The following MYO16 variants were observed in gnomAD, a reference collection of about 807,000 sequenced individuals.
MYO16 encodes the protein myosin XVI.
Under a neutral mutation model 205.3 loss-of-function variants are expected in MYO16, and 94 were observed. The ratio of observed to expected loss-of-function variants is 0.46; its 90% confidence interval spans 0.39 to 0.54. The LOEUF (loss-of-function observed/expected upper bound fraction) is 0.54, where lower values mean the gene tolerates loss of function less well. MYO16 is among the 20% of genes least tolerant of loss of function. The probability of loss-of-function intolerance (pLI) is 0.00; values close to 1 mark genes in which losing one functional copy is unlikely to be tolerated. For missense variants in MYO16, 2,315 were observed against 2,387.5 expected, an observed-to-expected ratio of 0.97 and a Z score of 0.63; for synonymous variants, 988 against 954.0, an observed-to-expected ratio of 1.04 and a Z score of -0.66.
At chr13:108,624,356 G>A (rs1451883666) in intron 1 of MYO16, among the ~76,000 whole-genome samples, 5 of 152,204 alleles carry the variant, frequency 3.3e-5, no homozygotes. Context: ...ACTGGTTGCA[G>A]TATACTATTT....
At chr13:108,659,432 C>G (rs4268614) in intron 1 of MYO16, 3 of 387,228 alleles carry the variant, frequency 7.7e-6, no homozygotes, top group Non-Finnish European at 1.5e-5. Flanking sequence ...GGTACGCACT[C>G]GCTGAGCAGG....
Position 109,162,710 on chromosome 13 carries a change from C to T in MYO16, c.5165-2191C>T, listed in dbSNP as rs1878445046. 6.6e-6 allele frequency among the ~76,000 whole-genome samples: 1 copy of T among 152,104 alleles called. No homozygotes were observed. ...TCTCCCGCACTCAGTGAGTATCTGG[C>T]ACATAGTAGGCACCCAATAAATAAC... is the stretch of plus-strand genomic sequence containing the variant. On this transcript the variant is annotated intron_variant, in intron 32 of 34. Transcript: ENST00000457511. This position sits in a 1 kb window ranked among gnomAD's most constrained non-coding sequence, Gnocchi z 4.6.
upstream of MYO16, among the ~76,000 whole-genome samples, chr13:108,628,664 C>A (rs958765326): frequency 2.6e-5 from 4 of 152,044 alleles, no homozygotes; most frequent in Non-Finnish European, 5.9e-5. Context: ...AGTCATGACC[C>A]CTTGTTGTAT....
intron 23 of MYO16, among the ~76,000 whole-genome samples, chr13:109,046,450 T>G (rs1045879993): frequency 6.6e-6 from 1 of 152,208 alleles, no homozygotes; most frequent in Non-Finnish European, 1.5e-5. Context: ...AATTAATTGT[T>G]TCCTATGTGT....
At chr13:108,864,940 G>T (rs954432727) in intron 11 of MYO16, among the ~76,000 whole-genome samples, 3 of 152,014 alleles carry the variant, frequency 2.0e-5, no homozygotes, top group Non-Finnish European at 4.4e-5. Flanking sequence ...TGTAGTAAGA[G>T]CACCAAAACT....
intron 16 of MYO16, among the ~76,000 whole-genome samples, chr13:108,934,361 T>G (rs72654036): frequency 0.091 from 13,801 of 152,202 alleles, 905 homozygotes; most frequent in African/African-American, 0.17. Flanking sequence ...AAAAGCATTT[T>G]TTCTTATGAT....
intron 2 of MYO16, among the ~76,000 whole-genome samples, chr13:108,703,079 T>A (rs1024991247): frequency 6.6e-6 from 1 of 152,122 alleles, no homozygotes; most frequent in Non-Finnish European, 1.5e-5. Context: ...TAAATCCTAC[T>A]TTATCAGTAA....
chr13:108,935,386 G>A (rs1882432088), intron 16 of MYO16, among the ~76,000 whole-genome samples: 1 of 151,988 alleles, frequency 6.6e-6, no homozygotes, highest in Admixed American at 6.6e-5. Context: ...TTTGTAAAAG[G>A]GATTGCACTC....
intron 16 of MYO16, among the ~76,000 whole-genome samples, chr13:108,956,615 A>T (rs1053077466): frequency 6.6e-5 from 10 of 152,018 alleles, no homozygotes; most frequent in Non-Finnish European, 1.2e-4. Flanking sequence ...GCACACATGG[A>T]TATATTTTCC....
At chr13:108,731,428 C>A (rs1016151314) in intron 4 of MYO16, among the ~76,000 whole-genome samples, 2 of 152,098 alleles carry the variant, frequency 1.3e-5, no homozygotes, top group Non-Finnish European at 2.9e-5. Context: ...ATATTCTAGA[C>A]TTCTTTACCT....
At chr13:108,847,073 T>C (rs1353531148) in intron 10 of MYO16, among the ~76,000 whole-genome samples, 1 of 152,248 alleles carries the variant, frequency 6.6e-6, no homozygotes, top group Non-Finnish European at 1.5e-5. Flanking sequence ...TTTCTCCCTC[T>C]GTGGAGTTAA....
chr13:108,942,330 T>C (rs1028395638), intron 16 of MYO16, among the ~76,000 whole-genome samples: 13 of 152,178 alleles, frequency 8.5e-5, no homozygotes, highest in African/African-American at 2.2e-4. Flanking sequence ...AGGGATTGTG[T>C]TAATAATGTT....
chr13:108,751,983 G>T (rs1270645183), intron 4 of MYO16, among the ~76,000 whole-genome samples: 1 of 152,098 alleles, frequency 6.6e-6, no homozygotes, highest in Admixed American at 6.5e-5. Context: ...AGAGGGATTT[G>T]CATGTAGTGA....
At chr13:108,591,367 G>A (rs533702348), upstream of MYO16, among the ~76,000 whole-genome samples, 37 of 152,176 alleles carry the variant, frequency 2.4e-4, no homozygotes, top group African/African-American at 8.7e-4. Flanking sequence ...ACATAAAAGA[G>A]GAGCATTCAG....
intron 23 of MYO16, among the ~76,000 whole-genome samples, chr13:109,039,430 A>G (rs1037613761): frequency 6.6e-6 from 1 of 152,222 alleles, no homozygotes; most frequent in South Asian, 2.1e-4. Context: ...ATGTGTCCAG[A>G]TGGACTATCT....
intron 27 of MYO16, among the ~76,000 whole-genome samples, chr13:109,075,796 G>A (rs1020095687): frequency 1.3e-5 from 2 of 152,156 alleles, no homozygotes; most frequent in African/African-American, 4.8e-5. Flanking sequence ...ATATTCTGAA[G>A]ACACATGTGT....
At chr13:108,692,954 C>A (rs766865647) in intron 2 of MYO16, among the ~76,000 whole-genome samples, 1 of 152,030 alleles carries the variant, frequency 6.6e-6, no homozygotes, top group Non-Finnish European at 1.5e-5. Context: ...GCCACTCTCA[C>A]GACTACATGT....
chr13:108,597,041 C>T (rs981756825), intron 1 of MYO16, among the ~76,000 whole-genome samples: 8 of 152,144 alleles, frequency 5.3e-5, no homozygotes, highest in African/African-American at 1.9e-4. Context: ...ACTAAATTAT[C>T]ACATGTACCC....
intron 20 of MYO16, among the ~76,000 whole-genome samples, chr13:108,976,864 C>G (rs1884278696): frequency 6.6e-6 from 1 of 152,090 alleles, no homozygotes; most frequent in African/African-American, 2.4e-5. Context: ...ACCCATTTAC[C>G]TACTACCTTG....
Sources: gnomAD v4.1 joint callset for allele counts (sites outside exome capture counted in the v4.1 genomes callset) on GRCh38, gnomAD v4.1.1 for gene constraint, Gnocchi (gnomAD v3.1) non-coding constraint, MANE v1.5 for transcripts, NCBI Gene and HGNC (gene_info 2026-07-23, HGNC 2026-07-21) for gene names.